The following NEDD4L variants were observed in gnomAD, a reference collection of about 807,000 sequenced individuals.
NEDD4L encodes E3 ubiquitin-protein ligase NEDD4-like.
Under a neutral mutation model 148.9 loss-of-function variants are expected in NEDD4L, and 54 were observed. That is an observed-to-expected ratio of 0.36 (90% CI 0.29 to 0.45). The LOEUF is 0.45. NEDD4L is among the 20% of genes least tolerant of loss of function. NEDD4L has a pLI of 1.00. For missense variants in NEDD4L, 856 were observed against 1,233.8 expected (o/e 0.69, Z 4.59); for synonymous variants, 433 against 440.7 (o/e 0.98, Z 0.22).
chr18:58,075,496 C>T (rs1014691298), intron 1 of NEDD4L, among the ~76,000 whole-genome samples: 7 of 152,126 alleles, frequency 4.6e-5, no homozygotes, highest in Non-Finnish European at 1.0e-4. Context: ...ATCACCCAAG[C>T]TGGAGTGCAG....
chr18:58,087,497 A>G (rs577273247), intron 1 of NEDD4L, among the ~76,000 whole-genome samples: 1 of 152,252 alleles, frequency 6.6e-6, no homozygotes, highest in South Asian at 2.1e-4. Context: ...TAGCAAGCAT[A>G]CCAATTCCAG....
In NEDD4L at chr18:58,396,126, C is replaced by T. The variant is rs753320948; in HGVS notation, c.2826-41C>T. 5.6e-5 allele frequency: 74 copies of T among 1,316,372 alleles called. No individual in the cohort carries two copies. In the East Asian group the frequency reaches 1.1e-3, roughly 20 times the overall value. 81.5% of individuals were successfully genotyped at this position (1,316,372 alleles called of 1,614,324 possible). ...CCCTATTAACCAGATCGAGGAAGTG[C>T]TGTTGTGGCTTTTCACCTACACTTT... On this transcript the variant is annotated intron_variant, in intron 30 of 30. Coordinates refer to ENST00000400345, the MANE Select transcript of NEDD4L (RefSeq NM_001144967.3).
intron 2 of NEDD4L, among the ~76,000 whole-genome samples, chr18:58,225,944 A>T (rs1381233333): frequency 6.6e-6 from 1 of 152,202 alleles, no homozygotes; most frequent in Non-Finnish European, 1.5e-5. Context: ...GTATCTCCTA[A>T]CATTTTCCAG....
At chr18:58,263,093 G>C (rs1456698465) in intron 5 of NEDD4L, among the ~76,000 whole-genome samples, 1 of 152,108 alleles carries the variant, frequency 6.6e-6, no homozygotes, top group Admixed American at 6.5e-5. Flanking sequence ...CTGGAAGGGG[G>C]CCCTCCTATC....
intron 16 of NEDD4L, among the ~76,000 whole-genome samples, chr18:58,345,893 C>A (rs544503357): frequency 6.6e-6 from 1 of 151,550 alleles, no homozygotes; most frequent in East Asian, 2.0e-4. Context: ...AGGCACATGC[C>A]ACCACACCAG....
chr18:58,175,440 C>T (rs2038020022), intron 2 of NEDD4L, among the ~76,000 whole-genome samples: 1 of 152,210 alleles, frequency 6.6e-6, no homozygotes, highest in South Asian at 2.1e-4. Flanking sequence ...GAACTGACTT[C>T]TCCTCTTCCT....
At chr18:58,067,026 T>TA (rs1034819711) in intron 1 of NEDD4L, among the ~76,000 whole-genome samples, 2 of 152,142 alleles carry the variant, frequency 1.3e-5, no homozygotes, top group South Asian at 2.1e-4. Context: ...TTTGTCATTT[T>TA]AAAAAAAAAT....
intron 2 of NEDD4L, among the ~76,000 whole-genome samples, chr18:58,186,144 A>G (rs2039463601): frequency 6.6e-6 from 1 of 152,168 alleles, no homozygotes; most frequent in Non-Finnish European, 1.5e-5. Flanking sequence ...TACATTCCCT[A>G]GTTGACGGAG....
At chr18:58,125,685 G>A (rs1006477244) in intron 1 of NEDD4L, among the ~76,000 whole-genome samples, 2 of 151,928 alleles carry the variant, frequency 1.3e-5, no homozygotes, top group Non-Finnish European at 2.9e-5. Context: ...ACCTATGTAC[G>A]GTAACTTTTC....
intron 2 of NEDD4L, among the ~76,000 whole-genome samples, chr18:58,240,299 C>T (rs1344694330): frequency 6.6e-6 from 1 of 152,110 alleles, no homozygotes; most frequent in Non-Finnish European, 1.5e-5. Flanking sequence ...ACTGAGGAAC[C>T]TGAGATCCTT....
chr18:58,145,608 C>T (rs1393462837), intron 1 of NEDD4L, among the ~76,000 whole-genome samples: 1 of 150,636 alleles, frequency 6.6e-6, no homozygotes, highest in Non-Finnish European at 1.5e-5. Context: ...TTTATCAAAC[C>T]TATGGATGTT....
intron 1 of NEDD4L, among the ~76,000 whole-genome samples, chr18:58,121,351 C>T (rs942275855): frequency 6.6e-6 from 1 of 152,104 alleles, no homozygotes; most frequent in Non-Finnish European, 1.5e-5. Flanking sequence ...TTTTAGAACC[C>T]TTCTGAATGC....
intron 5 of NEDD4L, among the ~76,000 whole-genome samples, chr18:58,298,939 C>T (rs1185804531): frequency 6.6e-6 from 1 of 152,238 alleles, no homozygotes; most frequent in African/African-American, 2.4e-5. Flanking sequence ...ATTACTTAGC[C>T]ATCACATTGA....
chr18:58,391,592 A>G (rs375476043), intron 30 of NEDD4L, 33 bp downstream of exon 30: 92 of 1,437,862 alleles, frequency 6.4e-5, no homozygotes, highest in African/African-American at 3.8e-4. Context: ...TGTCAATGCA[A>G]TATCTGAACT....
At chr18:58,049,063 C>T (rs2081733744) in intron 1 of NEDD4L, among the ~76,000 whole-genome samples, 1 of 152,112 alleles carries the variant, frequency 6.6e-6, no homozygotes, top group African/African-American at 2.4e-5. Context: ...ATCCTTATTT[C>T]AGAGAAGTTG....
At chr18:58,154,613 C>G (rs1241666315) in intron 1 of NEDD4L, among the ~76,000 whole-genome samples, 3 of 152,122 alleles carry the variant, frequency 2.0e-5, no homozygotes, top group African/African-American at 7.2e-5. Context: ...TGGCAAAACC[C>G]CATCTCTACT....
At chr18:58,345,901 C>A (rs1041955024) in intron 16 of NEDD4L, among the ~76,000 whole-genome samples, 2 of 148,480 alleles carry the variant, frequency 1.3e-5, no homozygotes, top group African/African-American at 5.0e-5. Context: ...GCCACCACAC[C>A]AGCTAATTTT....
chr18:58,104,392 G>A (rs969250687), intron 1 of NEDD4L, among the ~76,000 whole-genome samples: 17 of 152,154 alleles, frequency 1.1e-4, no homozygotes, highest in African/African-American at 1.9e-4. Flanking sequence ...CTTCTGGGGC[G>A]ACAGAAAATG....
chr18:58,357,550 T>C (rs1436058470), intron 19 of NEDD4L: 11 of 560,350 alleles, frequency 2.0e-5, no homozygotes, highest in Non-Finnish European at 3.4e-5. Context: ...ATTCCCTCCC[T>C]TCCTTTTTAT....
Sources: allele counts gnomAD v4.1 joint callset (sites outside exome capture counted in the v4.1 genomes callset), GRCh38; gene constraint gnomAD v4.1.1; transcripts MANE v1.5; gene names NCBI Gene and HGNC (gene_info 2026-07-23, HGNC 2026-07-21).